FANCD2: variants seen among roughly 807,000 people sequenced by gnomAD.
FANCD2 encodes FA complementation group D2, also known as Fanconi anemia group D2 protein.
A neutral mutation model predicts 192.3 loss-of-function variants in FANCD2; 131 were observed. The ratio of observed to expected loss-of-function variants is 0.68; its 90% confidence interval spans 0.59 to 0.79. FANCD2 has a LOEUF of 0.79. Ranked by LOEUF, FANCD2 falls within the 30% of genes least tolerant of loss-of-function variation. The probability of loss-of-function intolerance (pLI) is 0.00; values close to 1 mark genes in which losing one functional copy is unlikely to be tolerated. For missense variants in FANCD2, 1,508 were observed against 1,701.6 expected (o/e 0.89, Z 2.00); for synonymous variants, 524 against 612.5 (o/e 0.86, Z 2.13).
chr3:10,039,936 T>G, intron 9 of FANCD2, 91 bp downstream of exon 9: 3 of 1,493,914 alleles, frequency 2.0e-6, no homozygotes, highest in Non-Finnish European at 1.9e-6. Flanking sequence ...ATATGGTCTC[T>G]TCTATCTAAA....
In FANCD2 at chr3:10,101,551, A is replaced by C. The variant is rs1020514783; in HGVS notation, c.*289A>C. The stretch of plus-strand genomic sequence containing the variant: ...CAGGCACATGCCACCATGCCCAGCT[A>C]ATTTTTGTATTTTTAGTAGATACGG... On this transcript the variant is annotated 3_prime_UTR_variant, in exon 44 of 44. Transcript: ENST00000675286. The C allele has an allele frequency of 7.1e-6, 3 of 421,982 alleles. No homozygotes were observed. Among genetic ancestry groups the C allele is most frequent in the African/African-American group, 6.0e-5 (3 of 50,182 alleles). 26.1% of individuals were successfully genotyped at this position (421,982 alleles called of 1,614,324 possible).
At chr3:10,059,644 T>C (rs977798945) in intron 18 of FANCD2, among the ~76,000 whole-genome samples, 1 of 151,614 alleles carries the variant, frequency 6.6e-6, no homozygotes, top group Non-Finnish European at 1.5e-5. Flanking sequence ...CTACTAAAAA[T>C]ACAAAAAATT....
chr3:10,064,547 C>G (rs2087660972), intron 22 of FANCD2, 118 bp downstream of exon 22: 1 of 1,290,072 alleles, frequency 7.8e-7, no homozygotes, highest in Admixed American at 1.7e-5. Context: ...AGTCCCACAG[C>G]TTCTTTCCTC....
chr3:10,039,404 A>T, intron 8 of FANCD2, 47 bp downstream of exon 8: 1 of 1,464,462 alleles, frequency 6.8e-7, no homozygotes, highest in Non-Finnish European at 9.6e-7. Flanking sequence ...TATGTTTCTC[A>T]TATCTTTTGG....
In FANCD2 at chr3:10,080,464, GT is replaced by G. The variant is rs1021318969; in HGVS notation, c.2977-633del. On this transcript the variant is annotated intron_variant, in intron 30 of 43. Coordinates refer to ENST00000675286, the MANE Select transcript of FANCD2 (RefSeq NM_001018115.3). ...CCCAGGCTTCTACATTTTTTTGTTT[GT>G]TTGTTTTTCAATTATAATAGGGAGG... 1.1e-4 allele frequency among the ~76,000 whole-genome samples: 17 copies of G among 152,232 alleles called. 2 individuals are homozygous for G. In the South Asian group the frequency reaches 1.9e-3, roughly 17 times the overall value.
intron 43 of FANCD2, among the ~76,000 whole-genome samples, chr3:10,100,077 A>G: frequency 6.6e-6 from 1 of 151,880 alleles, no homozygotes; most frequent in Non-Finnish European, 1.5e-5. Context: ...GGTCCCTGCT[A>G]CACAGGAGGC....
chr3:10,053,202 A>T (rs2087269391), intron 18 of FANCD2, among the ~76,000 whole-genome samples: 1 of 150,454 alleles, frequency 6.6e-6, no homozygotes, highest in Non-Finnish European at 1.5e-5. Flanking sequence ...GCAGCCATAA[A>T]AAATGATGAG....
chr3:10,031,502 A>G (rs763521354), intron 2 of FANCD2, among the ~76,000 whole-genome samples: 1 of 93,752 alleles, frequency 1.1e-5, no homozygotes, highest in East Asian at 2.3e-4. Context: ...ACTCCATTTC[A>G]AAAAAAAAAA....
At position 10,043,959 on chromosome 3, in the gene FANCD2, C is replaced by T. The variant is rs1207614083; in HGVS notation, c.1134+95C>T. 4 of 1,038,762 alleles carry T rather than the reference C, an allele frequency of 3.9e-6. No individual in the cohort carries two copies. In the South Asian group the frequency reaches 3.9e-5, roughly 10 times the overall value. 64.3% of individuals were successfully genotyped at this position (1,038,762 alleles called of 1,614,324 possible). ...CCCACTGTCTTTCTTTCTCCCCCCT[C>T]CAGTCACTCTTCTCTCTCTTCCCTA... On this transcript the variant is annotated intron_variant, in intron 14 of 43. Transcript: ENST00000675286.
intron 39 of FANCD2, among the ~76,000 whole-genome samples, chr3:10,093,628 AAGG>A (rs1575860667): frequency 6.6e-6 from 1 of 151,882 alleles, no homozygotes; most frequent in African/African-American, 2.4e-5. Flanking sequence ...AAAAGGGAGG[AAGG>A]AGGAGTAGAT....
At chr3:10,037,552 G>A (rs145554460) in intron 7 of FANCD2, 1 of 152,286 alleles carries the variant, frequency 6.6e-6, no homozygotes, top group Non-Finnish European at 1.5e-5. Flanking sequence ...TATTAGTTTA[G>A]TGCTTGCTTT....
intron 14 of FANCD2, among the ~76,000 whole-genome samples, chr3:10,045,088 G>GTTTTTTTTTTTTTTTTTT (rs76340293): frequency 7.8e-6 from 1 of 128,938 alleles, no homozygotes; most frequent in Non-Finnish European, 1.6e-5. Flanking sequence ...CTTTTTAACT[G>GTTTTTTTTTTTTTTTTTT]TTTTTTTTTT....
At position 10,077,299 on chromosome 3, in the gene FANCD2, C is replaced by T. The variant is rs138242590; in HGVS notation, c.2860-782C>T. Among the ~76,000 whole-genome samples, 1,264 of 150,840 alleles carry T rather than the reference C, an allele frequency of 8.4e-3. 20 individuals carry two copies. The highest frequency in any genetic ancestry group is 0.029 in the African/African-American group (1,186 of 40,408). ...CTGCTGGGCGCAGTGGCTCACGCCTCTAATCACAGCACTTTGGGAGGCTGA... is the reference window on the plus strand; with the variant it reads ...CTGCTGGGCGCAGTGGCTCACGCCTTTAATCACAGCACTTTGGGAGGCTGA... On this transcript the variant is annotated intron_variant, in intron 29 of 43. Transcript: ENST00000675286.
Position 10,088,943 on chromosome 3 carries a change from C to A in FANCD2, c.3676C>A (p.Leu1226Met), listed in dbSNP as rs1437773916. 6.2e-7 allele frequency: 1 copy of A among 1,614,154 alleles called. No individual in the cohort carries two copies. The highest frequency in any genetic ancestry group is 1.1e-5 in the South Asian group (1 of 91,080). The part of the protein sequence containing the change: ...KDASSSTFPT[L>M]TRHTFVVFFR... ...TGCATCTTCCTCCACATTCCCTACA[C>A]TGACCAGGTAAGGGAGTTCTTTCCT... Residue 1226 changes from leucine to methionine, a missense_variant, in exon 36 of 44, where the codon CTG becomes ATG. Coordinates refer to ENST00000675286, the MANE Select transcript of FANCD2 (RefSeq NM_001018115.3).
chr3:10,071,570 G>A (rs1229927051), intron 26 of FANCD2, among the ~76,000 whole-genome samples: 6 of 152,194 alleles, frequency 3.9e-5, no homozygotes, highest in Non-Finnish European at 7.3e-5. Context: ...ATTATGTTAA[G>A]TGAAATAGGC....
At chr3:10,090,753 C>T (rs1331011452) in intron 37 of FANCD2, among the ~76,000 whole-genome samples, 2 of 152,142 alleles carry the variant, frequency 1.3e-5, no homozygotes, top group Non-Finnish European at 2.9e-5. Context: ...CCACTGCGCC[C>T]GGTGGTAGTT....
At chr3:10,050,168 T>C (rs887730907) in intron 17 of FANCD2, among the ~76,000 whole-genome samples, 2 of 152,188 alleles carry the variant, frequency 1.3e-5, no homozygotes, top group African/African-American at 4.8e-5. Flanking sequence ...CTACTCAGCA[T>C]TGAGAGATAA....
At chr3:10,049,686 C>T (rs374224525) in intron 17 of FANCD2, among the ~76,000 whole-genome samples, 181 bp downstream of exon 17, 5 of 152,280 alleles carry the variant, frequency 3.3e-5, no homozygotes, top group African/African-American at 1.2e-4. Flanking sequence ...ATTCTGGGTG[C>T]TGTGAATGTA....
chr3:10,056,219 C>T (rs929235059), intron 18 of FANCD2, among the ~76,000 whole-genome samples: 5 of 152,192 alleles, frequency 3.3e-5, no homozygotes, highest in African/African-American at 4.8e-5. Context: ...ATCCATTCAT[C>T]CATTGATGGA....
Sources: allele counts gnomAD v4.1 joint callset (sites outside exome capture counted in the v4.1 genomes callset), GRCh38; gene constraint gnomAD v4.1.1; transcripts MANE v1.5; gene names NCBI Gene and HGNC (gene_info 2026-07-23, HGNC 2026-07-21).